The following ZMAT4 variants were observed in gnomAD, a reference collection of about 807,000 sequenced individuals.
The protein encoded by ZMAT4 is zinc finger matrin-type protein 4.
A neutral mutation model predicts 28.7 loss-of-function variants in ZMAT4; 17 were observed. That is an observed-to-expected ratio of 0.59 (90% confidence interval 0.41 to 0.89). The LOEUF (loss-of-function observed/expected upper bound fraction) is 0.89, where lower values mean the gene tolerates loss of function less well. ZMAT4 is among the 40% of genes least tolerant of loss of function. ZMAT4 has a pLI of 0.00. For missense variants in ZMAT4, 240 were observed against 283.8 expected (o/e 0.85, Z 1.11); for synonymous variants, 117 against 109.2 (o/e 1.07, Z -0.44).
intron 5 of ZMAT4, among the ~76,000 whole-genome samples, chr8:40,613,657 G>A (rs932610792): frequency 6.6e-6 from 1 of 151,994 alleles, no homozygotes; most frequent in Admixed American, 6.5e-5. Context: ...TGTCATCTTG[G>A]ATTTCCTTAG....
chr8:40,827,876 C>G (rs781347318), intron 1 of ZMAT4, among the ~76,000 whole-genome samples: 6 of 152,212 alleles, frequency 3.9e-5, no homozygotes, highest in Non-Finnish European at 7.3e-5. Context: ...ATCTGTCCCA[C>G]CGTAGTTTTC....
chr8:40,838,948 A>T (rs1390413459), intron 1 of ZMAT4, among the ~76,000 whole-genome samples: 1 of 152,202 alleles, frequency 6.6e-6, no homozygotes, highest in African/African-American at 2.4e-5. Flanking sequence ...GGACCATCTA[A>T]TCTCACCCTT....
intron 1 of ZMAT4, among the ~76,000 whole-genome samples, chr8:40,835,748 C>CTGCA (rs1269004624): frequency 1.3e-5 from 2 of 152,160 alleles, no homozygotes; most frequent in Non-Finnish European, 2.9e-5. Context: ...GACCAAGCTG[C>CTGCA]TGCAGGGAAA....
At chr8:40,741,315 C>T (rs1811993200) in intron 3 of ZMAT4, among the ~76,000 whole-genome samples, 1 of 151,770 alleles carries the variant, frequency 6.6e-6, no homozygotes, top group African/African-American at 2.4e-5. Flanking sequence ...GGCGTGGTGG[C>T]ATGCACCTAT....
intron 6 of ZMAT4, among the ~76,000 whole-genome samples, chr8:40,534,286 G>A (rs918292160): frequency 9.9e-5 from 15 of 152,040 alleles, no homozygotes; most frequent in African/African-American, 3.6e-4. Context: ...TGCTGGAAAG[G>A]CTACTTCATA....
chr8:40,601,481 GAAA>G (rs1563360063), intron 5 of ZMAT4, among the ~76,000 whole-genome samples: 7 of 115,076 alleles, frequency 6.1e-5, no homozygotes, highest in Non-Finnish European at 1.1e-4. Flanking sequence ...AAGAAAGAAA[GAAA>G]GAAAGAAAGA....
At chr8:40,662,999 C>A (rs1808265223) in intron 5 of ZMAT4, among the ~76,000 whole-genome samples, 1 of 152,178 alleles carries the variant, frequency 6.6e-6, no homozygotes, top group East Asian at 1.9e-4. Context: ...TCTCCTCATT[C>A]CAATGATCAC....
At chr8:40,608,850 C>A (rs1163760621) in intron 5 of ZMAT4, among the ~76,000 whole-genome samples, 1 of 152,216 alleles carries the variant, frequency 6.6e-6, no homozygotes, top group Non-Finnish European at 1.5e-5. Context: ...TCTGGACCAT[C>A]AGTTTCCCCA....
intron 1 of ZMAT4, among the ~76,000 whole-genome samples, chr8:40,826,885 G>A (rs1483366379): frequency 6.6e-6 from 1 of 152,128 alleles, no homozygotes; most frequent in African/African-American, 2.4e-5. Flanking sequence ...ACACCCCAGT[G>A]CATCCGATTC....
chr8:40,866,982 C>T (rs2150650291), intron 1 of ZMAT4, among the ~76,000 whole-genome samples: 1 of 152,314 alleles, frequency 6.6e-6, no homozygotes, highest in Non-Finnish European at 1.5e-5. Flanking sequence ...GGTATAGATG[C>T]TCTAACTAAG....
intron 2 of ZMAT4, among the ~76,000 whole-genome samples, chr8:40,812,998 T>C (rs1815388898): frequency 6.7e-6 from 1 of 149,720 alleles, no homozygotes; most frequent in East Asian, 1.9e-4. Context: ...AAAATAAAAA[T>C]ATATATATGC....
chr8:40,896,625 G>A (rs1586244118), intron 1 of ZMAT4, among the ~76,000 whole-genome samples: 1 of 152,294 alleles, frequency 6.6e-6, no homozygotes. Context: ...GGAGGCAGGG[G>A]GAGAAAGGAG....
chr8:40,682,256 C>T (rs1454901895), intron 4 of ZMAT4, among the ~76,000 whole-genome samples: 5 of 152,156 alleles, frequency 3.3e-5, no homozygotes, highest in Non-Finnish European at 4.4e-5. Context: ...GCTTAGGGAC[C>T]TTGTGGTGCC....
At chr8:40,814,833 C>CA (rs1033134532) in intron 2 of ZMAT4, among the ~76,000 whole-genome samples, 6 of 138,998 alleles carry the variant, frequency 4.3e-5, no homozygotes, top group South Asian at 2.1e-4. Context: ...GCTGCCTCTG[C>CA]AAAAAAATGA....
intron 1 of ZMAT4, among the ~76,000 whole-genome samples, chr8:40,875,082 C>A (rs1329205923): frequency 6.6e-6 from 1 of 152,202 alleles, no homozygotes; most frequent in South Asian, 2.1e-4. Flanking sequence ...ACCCCTGCAA[C>A]ATCTGGAGAA....
intron 5 of ZMAT4, among the ~76,000 whole-genome samples, chr8:40,663,864 T>G (rs2118864236): frequency 6.6e-6 from 1 of 152,362 alleles, no homozygotes; most frequent in South Asian, 2.1e-4. Flanking sequence ...CATACAGCTT[T>G]CAGAGATTGA....
chr8:40,700,171 C>T (rs1810070689), intron 3 of ZMAT4, among the ~76,000 whole-genome samples: 1 of 151,806 alleles, frequency 6.6e-6, no homozygotes, highest in African/African-American at 2.4e-5. Context: ...GAGAAGTAGA[C>T]AGAAAATAAG....
At chr8:40,686,646 A>T (rs1195634043) in intron 4 of ZMAT4, among the ~76,000 whole-genome samples, 1 of 152,144 alleles carries the variant, frequency 6.6e-6, no homozygotes, top group African/African-American at 2.4e-5. Flanking sequence ...AAAAAAAAGT[A>T]ATAACAATTT....
intron 5 of ZMAT4, among the ~76,000 whole-genome samples, chr8:40,618,430 T>C (rs1465765534): frequency 2.6e-5 from 4 of 152,210 alleles, no homozygotes; most frequent in Non-Finnish European, 5.9e-5. Flanking sequence ...ACACCAGATA[T>C]ATTTCATGGT....
Sources: allele counts gnomAD v4.1 joint callset (sites outside exome capture counted in the v4.1 genomes callset), GRCh38; gene constraint gnomAD v4.1.1; transcripts MANE v1.5; gene names NCBI Gene and HGNC (gene_info 2026-07-23, HGNC 2026-07-21).